The following TRDN variants were observed in gnomAD, a reference collection of about 807,000 sequenced individuals.
TRDN encodes the protein triadin in skeletal muscle.
Under a neutral mutation model 149.7 loss-of-function variants are expected in TRDN, and 161 were observed. The observed-to-expected ratio is 1.08, with a 90% CI of 0.95 to 1.23. TRDN has a LOEUF of 1.23. TRDN is among the 50% of genes most tolerant of loss of function. The probability of loss-of-function intolerance (pLI) is 0.00; values close to 1 mark genes in which losing one functional copy is unlikely to be tolerated. For missense variants in TRDN, 896 were observed against 823.5 expected, an observed-to-expected ratio of 1.09 and a Z score of -1.08; for synonymous variants, 294 against 250.5, an observed-to-expected ratio of 1.17 and a Z score of -1.64.
chr6:123,292,863 G>C (rs1314688629), intron 24 of TRDN, among the ~76,000 whole-genome samples: 2 of 152,144 alleles, frequency 1.3e-5, no homozygotes, highest in Non-Finnish European at 2.9e-5. Context: ...GGGAATGGGA[G>C]CTACAGTTTT....
chr6:123,321,208 G>A (rs1054835113), intron 23 of TRDN, among the ~76,000 whole-genome samples: 4 of 152,060 alleles, frequency 2.6e-5, no homozygotes, highest in Non-Finnish European at 5.9e-5. Context: ...CCATTTTCAC[G>A]TTAATGCAAA....
At chr6:123,334,150 A>G (rs1032095469) in intron 22 of TRDN, among the ~76,000 whole-genome samples, 7 of 152,004 alleles carry the variant, frequency 4.6e-5, no homozygotes, top group African/African-American at 1.7e-4. Flanking sequence ...CTAGCTTTGA[A>G]TTGTTGAGTG....
intron 2 of TRDN, among the ~76,000 whole-genome samples, chr6:123,567,770 G>A (rs1782366869): frequency 6.6e-6 from 1 of 152,158 alleles, no homozygotes; most frequent in Admixed American, 6.5e-5. Flanking sequence ...AATCTTCCAA[G>A]AGGCCCCACG....
At chr6:123,256,206 G>A (rs374162396) in intron 35 of TRDN, among the ~76,000 whole-genome samples, 10 of 152,004 alleles carry the variant, frequency 6.6e-5, no homozygotes, top group South Asian at 4.1e-4. Context: ...TTTCTGTTCC[G>A]GTGTTAGTTT....
At chr6:123,526,169 T>C (rs1437113604) in intron 5 of TRDN, among the ~76,000 whole-genome samples, 3 of 152,194 alleles carry the variant, frequency 2.0e-5, no homozygotes, top group African/African-American at 4.8e-5. Context: ...GATTTAAAGA[T>C]GCATACAGTC....
chr6:123,530,560 G>T lies in TRDN; in HGVS notation c.430C>A (p.His144Asn). ...DEPPLRKKEI[H>N]KDKTEKQEKP... ...TCTTGTTTTTCAGTCTTATCTTTGT[G>T]TATTTCTAAGAAAAAATAGAATTTA... is the stretch of plus-strand genomic sequence containing the variant. The change falls in exon 5 of 41, where the codon CAC (histidine) becomes AAC (asparagine). Residue 144 changes from histidine to asparagine, a missense_variant. Coordinates refer to ENST00000334268, the MANE Select transcript of TRDN (RefSeq NM_006073.4). The T allele has an allele frequency of 8.1e-7, 1 of 1,240,624 alleles. No individual in the cohort carries two copies. The highest frequency in any genetic ancestry group is 3.1e-5 in the East Asian group (1 of 32,300). 76.9% of individuals were successfully genotyped at this position (1,240,624 alleles called of 1,614,324 possible).
At chr6:123,400,167 G>GTGTATATA (rs1554232309) in intron 12 of TRDN, among the ~76,000 whole-genome samples, 54 of 123,380 alleles carry the variant, frequency 4.4e-4, no homozygotes, top group African/African-American at 1.2e-3. Flanking sequence ...ATATGTATGT[G>GTGTATATA]TATATATATA....
At chr6:123,387,095 G>C (rs1053646769) in intron 14 of TRDN, among the ~76,000 whole-genome samples, 4 of 152,124 alleles carry the variant, frequency 2.6e-5, no homozygotes, top group Non-Finnish European at 5.9e-5. Flanking sequence ...TTTTAAATAG[G>C]TTATGACATG....
chr6:123,224,383 T>C (rs1775277074), intron 38 of TRDN, among the ~76,000 whole-genome samples: 1 of 151,754 alleles, frequency 6.6e-6, no homozygotes, highest in South Asian at 2.1e-4. Flanking sequence ...AAAAGGCTTG[T>C]GGTGACCTCC....
chr6:123,269,744 C>T, intron 31 of TRDN, 105 bp downstream of exon 31: 1 of 1,115,614 alleles, frequency 9.0e-7, no homozygotes, highest in Non-Finnish European at 1.3e-6. Flanking sequence ...TATTTAGACA[C>T]AGACAACACT....
intron 24 of TRDN, among the ~76,000 whole-genome samples, chr6:123,282,557 C>G (rs1248023019): frequency 1.3e-5 from 2 of 151,776 alleles, no homozygotes; most frequent in African/African-American, 4.8e-5. Context: ...GTGAGATAAA[C>G]ATATCAAAAA....
intron 12 of TRDN, among the ~76,000 whole-genome samples, chr6:123,412,162 T>C (rs571463356): frequency 5.9e-5 from 9 of 152,252 alleles, no homozygotes; most frequent in African/African-American, 1.4e-4. Context: ...TGGAATCTTA[T>C]GTAGTTATTA....
At chr6:123,541,075 C>T (rs1268821768) in intron 4 of TRDN, among the ~76,000 whole-genome samples, 1 of 152,170 alleles carries the variant, frequency 6.6e-6, no homozygotes, top group Non-Finnish European at 1.5e-5. Context: ...AGAGAAGATT[C>T]TGAAATACAT....
At chr6:123,632,902 A>T (rs532897830) in intron 1 of TRDN, among the ~76,000 whole-genome samples, 1 of 151,236 alleles carries the variant, frequency 6.6e-6, no homozygotes, top group Non-Finnish European at 1.5e-5. Flanking sequence ...TGTGCTGCAG[A>T]CTCTATGGGA....
chr6:123,354,255 A>G (rs982671856), intron 20 of TRDN, among the ~76,000 whole-genome samples: 9 of 151,862 alleles, frequency 5.9e-5, no homozygotes, highest in African/African-American at 2.2e-4. Context: ...TTCTGCAAAA[A>G]TGAGTGCACA....
chr6:123,447,300 C>T lies in TRDN; in HGVS notation c.932-8297G>A, dbSNP rs113786038. ...ATGCTTATCTAGTCTTATGCCAAAA[C>T]CCTTTGCCTGTGTTTGGAGTTTTAA... On this transcript the variant is annotated intron_variant, in intron 10 of 40. Coordinates refer to ENST00000334268, the MANE Select transcript of TRDN (RefSeq NM_006073.4). Among the ~76,000 whole-genome samples, 673 of 152,280 alleles carry T rather than the reference C, an allele frequency of 4.4e-3. 5 individuals carry two copies. Among genetic ancestry groups the T allele is most frequent in the African/African-American group, 0.015 (640 of 41,548 alleles).
intron 4 of TRDN, among the ~76,000 whole-genome samples, chr6:123,544,660 A>G (rs766432362): frequency 2.0e-5 from 3 of 152,098 alleles, no homozygotes; most frequent in Non-Finnish European, 2.9e-5. Flanking sequence ...TATAATTTTT[A>G]GACAACTATG....
chr6:123,592,389 C>A (rs1245632343), intron 1 of TRDN, among the ~76,000 whole-genome samples: 3 of 152,090 alleles, frequency 2.0e-5, no homozygotes, highest in Admixed American at 6.6e-5. Context: ...AAAAATGAGA[C>A]CCTTGTCCTC....
chr6:123,275,537 G>A (rs1307832021), intron 26 of TRDN, among the ~76,000 whole-genome samples: 1 of 152,130 alleles, frequency 6.6e-6, no homozygotes, highest in Non-Finnish European at 1.5e-5. Flanking sequence ...AATTTCTCCA[G>A]TTTTAAGCAA....
Sources: gnomAD v4.1 joint callset for allele counts (sites outside exome capture counted in the v4.1 genomes callset) on GRCh38, gnomAD v4.1.1 for gene constraint, MANE v1.5 for transcripts, NCBI Gene and HGNC (gene_info 2026-07-23, HGNC 2026-07-21) for gene names.